ANLN: variants seen among roughly 807,000 people sequenced by gnomAD.
ANLN encodes anillin, actin binding protein, also known as anillin.
In ANLN, 59 loss-of-function variants were observed where a neutral mutation model predicts 135.1. That is an observed-to-expected ratio of 0.44 (90% confidence interval 0.35 to 0.54). The LOEUF (loss-of-function observed/expected upper bound fraction) is 0.54, where lower values mean the gene tolerates loss of function less well. ANLN is among the 20% of genes least tolerant of loss of function. The pLI is 0.00. For synonymous variants in ANLN, 406 were observed against 456.4 expected (o/e 0.89, Z 1.41); for missense variants, 1,182 against 1,340.0 (o/e 0.88, Z 1.84).
At chr7:36,434,468 T>G (rs1325016487) in intron 20 of ANLN, among the ~76,000 whole-genome samples, 2 of 152,212 alleles carry the variant, frequency 1.3e-5, no homozygotes. Context: ...GCTCAACTGG[T>G]TTCTCCTTTT....
chr7:36,412,416 C>A (rs948508712), intron 7 of ANLN, among the ~76,000 whole-genome samples: 1 of 150,168 alleles, frequency 6.7e-6, no homozygotes. Context: ...GCAACCTCCA[C>A]CTCCCGGCTT....
At chr7:36,420,978 T>G (rs1787853119) in intron 12 of ANLN, among the ~76,000 whole-genome samples, 1 of 152,218 alleles carries the variant, frequency 6.6e-6, no homozygotes. Flanking sequence ...TTAAACAAGT[T>G]TTTCATAAAT....
chr7:36,413,144 A>T (rs533090886), intron 7 of ANLN, among the ~76,000 whole-genome samples: 1 of 151,886 alleles, frequency 6.6e-6, no homozygotes, highest in South Asian at 2.1e-4. Flanking sequence ...GCGTTTGCTG[A>T]TCCTTCCCAT....
intron 7 of ANLN, 91 bp from the exon 8 acceptor site, chr7:36,415,667 T>C: frequency 1.5e-6 from 2 of 1,343,432 alleles, no homozygotes; most frequent in Non-Finnish European, 2.0e-6. Flanking sequence ...CAGAATAATA[T>C]TTAATAATAA....
rs1043305528 is a variant in ANLN, at chr7:36,452,767, A to G, written c.*167A>G. 2.3e-5 allele frequency: 16 copies of G among 682,508 alleles called. No homozygotes were observed. The highest frequency in any genetic ancestry group is 1.8e-4 in the African/African-American group (10 of 55,712). The allele number at this position is 682,508 out of a possible 1,614,324, so 42.3% of individuals were successfully genotyped here. ...TATATCTTTTGTATGTAAAACTTTAACTGATTTCTGTCATTCATCAATGAG... is the reference window on the plus strand; with the variant it reads ...TATATCTTTTGTATGTAAAACTTTAGCTGATTTCTGTCATTCATCAATGAG... On this transcript the variant is annotated 3_prime_UTR_variant, in exon 24 of 24. Coordinates refer to ENST00000265748, the MANE Select transcript of ANLN (RefSeq NM_018685.5).
In ANLN at chr7:36,442,860, G is replaced by A. The variant is rs192049774; in HGVS notation, c.2971-895G>A. Reference sequence around the variant, plus strand: ...TTAGCCAGGACGGTCTCGATCTCCTGACCTCGTGATCCGCCCGCCTCGGCC... The same window carrying A: ...TTAGCCAGGACGGTCTCGATCTCCTAACCTCGTGATCCGCCCGCCTCGGCC... On this transcript the variant is annotated intron_variant, in intron 21 of 23. Transcript: ENST00000265748. 9.5e-4 allele frequency among the ~76,000 whole-genome samples: 144 copies of A among 151,972 alleles called. No individual in the cohort carries two copies. In the East Asian group the frequency reaches 0.024, roughly 26 times the overall value.
chr7:36,451,334 C>T (rs976526877), intron 23 of ANLN, among the ~76,000 whole-genome samples: 1 of 152,314 alleles, frequency 6.6e-6, no homozygotes, highest in Admixed American at 6.5e-5. Flanking sequence ...AGAGACTACA[C>T]ATTGAAACCA....
chr7:36,400,882 T>G (rs1359126236), intron 3 of ANLN, among the ~76,000 whole-genome samples: 1 of 152,204 alleles, frequency 6.6e-6, no homozygotes, highest in Non-Finnish European at 1.5e-5. Flanking sequence ...GCTCTTTAGG[T>G]AATTCTGATG....
At chr7:36,397,554 T>A (rs1786758020) in intron 2 of ANLN, among the ~76,000 whole-genome samples, 1 of 152,134 alleles carries the variant, frequency 6.6e-6, no homozygotes, top group South Asian at 2.1e-4. Flanking sequence ...GATGTGTTCA[T>A]AGAAAATAGA....
At chr7:36,427,159 C>A in intron 20 of ANLN, 131 bp downstream of exon 20, 6 of 524,396 alleles carry the variant, frequency 1.1e-5, no homozygotes, top group East Asian at 3.5e-5. Flanking sequence ...TAGAATTGCA[C>A]ATTTTTGCTA....
At chr7:36,412,328 T>TATATATATATATATATA (rs1554343031) in intron 7 of ANLN, among the ~76,000 whole-genome samples, 1 of 63,154 alleles carries the variant, frequency 1.6e-5, no homozygotes, top group African/African-American at 5.6e-5. Flanking sequence ...TATATATATA[T>TATATATATATATATATA]TTTTTTTTTT....
intron 1 of ANLN, among the ~76,000 whole-genome samples, chr7:36,393,288 T>G (rs1786559000): frequency 6.6e-6 from 1 of 152,186 alleles, no homozygotes; most frequent in Admixed American, 6.5e-5. Context: ...CCTCCCAAAG[T>G]GCTGGAATTA....
At position 36,452,684 on chromosome 7, in the gene ANLN, T is replaced by G; in HGVS notation, c.*84T>G. The G allele has an allele frequency of 1.3e-6, 2 of 1,521,370 alleles. No individual in the cohort carries two copies. Among genetic ancestry groups the G allele is most frequent in the Non-Finnish European group, 1.8e-6 (2 of 1,113,188 alleles). The allele number at this position is 1,521,370 out of a possible 1,614,324, so 94.2% of individuals were successfully genotyped here. A position where few individuals can be genotyped will look rare whatever the true frequency, so the allele number is the denominator to read the frequency against. Reference sequence around the variant, plus strand: ...AGAGCATCAGATTTACTGATTGCATTTTATGCTTTAAGTACGAAAGGGTTT... The same window carrying G: ...AGAGCATCAGATTTACTGATTGCATGTTATGCTTTAAGTACGAAAGGGTTT... On this transcript the variant is annotated 3_prime_UTR_variant, in exon 24 of 24. Transcript: ENST00000265748.
chr7:36,404,162 G>T (rs1009639321), intron 3 of ANLN, among the ~76,000 whole-genome samples: 3 of 151,898 alleles, frequency 2.0e-5, no homozygotes, highest in Non-Finnish European at 4.4e-5. Flanking sequence ...TAGAGACAGG[G>T]TTTCACCATG....
In ANLN at chr7:36,423,909, G is replaced by T. The variant is rs199943918; in HGVS notation, c.2569G>T (p.Gly857Cys). The T allele has an allele frequency of 8.7e-6, 14 of 1,612,340 alleles. No homozygotes were observed. The highest frequency in any genetic ancestry group is 1.2e-5 in the Non-Finnish European group (14 of 1,179,126). The change falls in exon 15 of 24, where the codon GGT (glycine) becomes TGT (cysteine). Residue 857 changes from glycine to cysteine, a missense_variant. By Grantham distance (159) the Gly-to-Cys change is radical. Around this residue, in one of 3 missense-constraint regions of ANLN, gnomAD observed 1,022 missense variants for 1,134.0 expected, o/e 0.90. Transcript: ENST00000265748. The stretch of plus-strand genomic sequence containing the variant: ...AGCAAGTACTTCAAACTCTCTTAAC[G>T]GTGATGCTCTGACATTCACTACTAC... ...PLASTSNSLN[G>C]DALTFTTTFT... is the part of the protein sequence containing the mutation.
intron 3 of ANLN, among the ~76,000 whole-genome samples, chr7:36,402,896 C>T (rs1364438296): frequency 6.6e-6 from 1 of 152,130 alleles, no homozygotes; most frequent in Admixed American, 6.6e-5. Flanking sequence ...CTAGAATAAA[C>T]ACTGTCCTAT....
chr7:36,423,724 C>T (rs1787971071), intron 14 of ANLN, 93 bp from the exon 15 acceptor site: 3 of 1,195,400 alleles, frequency 2.5e-6, no homozygotes, highest in Non-Finnish European at 3.4e-6. Context: ...TAAATCAGTT[C>T]AATATTCCTT....
chr7:36,419,573 TC>T, intron 10 of ANLN, 94 bp downstream of exon 10: 1 of 1,070,540 alleles, frequency 9.3e-7, no homozygotes, highest in Non-Finnish European at 1.3e-6. Flanking sequence ...GACATTTGGC[TC>T]AGTAGCCAAG....
At chr7:36,426,865 T>C (rs751541871) in intron 19 of ANLN, 51 bp from the exon 20 acceptor site, 3 of 1,200,166 alleles carry the variant, frequency 2.5e-6, no homozygotes, top group Non-Finnish European at 1.2e-6. Flanking sequence ...TTGTTACTTA[T>C]ACTTAACAAA....
Sources: gnomAD v4.1 joint callset for allele counts (sites outside exome capture counted in the v4.1 genomes callset) on GRCh38, gnomAD v4.1.1 for gene constraint, gnomAD v4.1.1 regional missense constraint, MANE v1.5 for transcripts, NCBI Gene and HGNC (gene_info 2026-07-23, HGNC 2026-07-21) for gene names.